RPRD1B: variants seen among roughly 807,000 people sequenced by gnomAD.
RPRD1B encodes regulation of nuclear pre-mRNA domain containing 1B.
Under a neutral mutation model 41.5 loss-of-function variants are expected in RPRD1B, and 11 were observed. The ratio of observed to expected loss-of-function variants is 0.27; its 90% CI spans 0.17 to 0.44. The LOEUF is 0.44. Ranked by LOEUF, RPRD1B falls within the 20% of genes least tolerant of loss-of-function variation. The pLI is 1.00. For missense variants in RPRD1B, 248 were observed against 389.9 expected, an observed-to-expected ratio of 0.64 and a Z score of 3.06; for synonymous variants, 158 against 155.6, an observed-to-expected ratio of 1.02 and a Z score of -0.12.
chr20:38,088,429 C>T (rs2074582129), intron 6 of RPRD1B, among the ~76,000 whole-genome samples: 1 of 152,218 alleles, frequency 6.6e-6, no homozygotes, highest in African/African-American at 2.4e-5. Context: ...AGGTTAGAGG[C>T]AGAACCAGGA....
intron 2 of RPRD1B, among the ~76,000 whole-genome samples, chr20:38,042,796 A>G (rs576775622): frequency 6.6e-6 from 1 of 152,220 alleles, no homozygotes; most frequent in South Asian, 2.1e-4. Flanking sequence ...TTGACCCATT[A>G]CTGTTGACTA....
Position 38,048,475 on chromosome 20 carries a change from C to G in RPRD1B, c.409C>G (p.Pro137Ala), listed in dbSNP as rs1387832341. 8 of 1,603,234 alleles carry G rather than the reference C, an allele frequency of 5.0e-6. No homozygotes were observed. The highest frequency in any genetic ancestry group is 1.7e-5 in the Admixed American group (1 of 59,720). ...LSMEDSKSPP[P>A]KATEEKKSLK... ...TATGGAGGACTCCAAGAGCCCTCCC[C>G]CCAAAGGTAGAAACATCACCACATG... The change falls in exon 3 of 7, where the codon CCC (proline) becomes GCC (alanine). Residue 137 changes from proline (P) to alanine (A), a missense_variant. Pro to Ala is a conservative substitution (Grantham distance 27). This residue lies in a region of RPRD1B where 94 missense variants were observed against 82.3 expected (regional missense o/e 1.14). Transcript: ENST00000373433.
rs140472135 is a variant in RPRD1B, at chr20:38,087,589, T to C, written c.832-2137T>C. Among the ~76,000 whole-genome samples, 704 of 152,328 alleles carry C rather than the reference T, an allele frequency of 4.6e-3. 4 individuals are homozygous for C. Among genetic ancestry groups the C allele is most frequent in the African/African-American group, 0.016 (647 of 41,574 alleles). On this transcript the variant is annotated intron_variant, in intron 6 of 6. Transcript: ENST00000373433. ...AAGTCCGTGTTCTGTAGTTGTTTTG[T>C]TATTTTACCCTTTTTATACCTTCCA...
chr20:38,091,958 G>A lies in RPRD1B; in HGVS notation c.*2083G>A, dbSNP rs1380829314. 1.0e-6 allele frequency: 1 copy of A among 985,762 alleles called. No homozygotes were observed. The highest frequency in any genetic ancestry group is 1.2e-6 in the Non-Finnish European group (1 of 829,934). 61.1% of individuals were successfully genotyped at this position (985,762 alleles called of 1,614,324 possible). ...TTACTAGTGGACTTCCTGTGAGGAA[G>A]TTAGTTTTTTGTTTTGATGAAATGC... On this transcript the variant is annotated 3_prime_UTR_variant, in exon 7 of 7. Coordinates refer to ENST00000373433, the MANE Select transcript of RPRD1B (RefSeq NM_021215.4).
At chr20:38,052,267 A>G (rs968542615) in intron 3 of RPRD1B, among the ~76,000 whole-genome samples, 1 of 152,196 alleles carries the variant, frequency 6.6e-6, no homozygotes, top group Non-Finnish European at 1.5e-5. Context: ...CTGAGTTTCT[A>G]TATATGAACT....
At chr20:38,048,789 C>G (rs1240815357) in intron 3 of RPRD1B, among the ~76,000 whole-genome samples, 1 of 152,186 alleles carries the variant, frequency 6.6e-6, no homozygotes, top group Non-Finnish European at 1.5e-5. Flanking sequence ...TTGTGGTGAA[C>G]TAGGAAGTAG....
rs1412844875 is a variant in RPRD1B, at chr20:38,070,606, A to G, written c.831+4350A>G. 5.1e-6 allele frequency: 5 copies of G among 985,380 alleles called. No homozygotes were observed. In the East Asian group the frequency reaches 4.5e-4, roughly 89 times the overall value. 61.0% of individuals were successfully genotyped at this position (985,380 alleles called of 1,614,324 possible). On this transcript the variant is annotated intron_variant, in intron 6 of 6. Coordinates refer to ENST00000373433, the MANE Select transcript of RPRD1B (RefSeq NM_021215.4). ...CCTGTCTTGTCAGCGTGAATAAAGC[A>G]TGATACAGACATGTTCTGTTAGCAT...
At chr20:38,056,919 G>A (rs973991034) in intron 3 of RPRD1B, among the ~76,000 whole-genome samples, 1 of 152,186 alleles carries the variant, frequency 6.6e-6, no homozygotes, top group Middle Eastern at 3.4e-3. Context: ...AAAAACATAC[G>A]GTGCAGATAG....
At chr20:38,061,079 GGTCTCATGT>G (rs1450772833) in intron 5 of RPRD1B, among the ~76,000 whole-genome samples, 9 of 152,072 alleles carry the variant, frequency 5.9e-5, no homozygotes, top group East Asian at 5.8e-4. Flanking sequence ...CTGACCTAAA[GGTCTCATGT>G]AGCTTCCTTT....
intron 2 of RPRD1B, among the ~76,000 whole-genome samples, chr20:38,044,801 A>G (rs2074104955): frequency 6.6e-6 from 1 of 152,192 alleles, no homozygotes; most frequent in Non-Finnish European, 1.5e-5. Flanking sequence ...TAAGGGTAGC[A>G]GTCTGGCCTT....
chr20:38,038,485 G>GTTTTTTT (rs2074027015), intron 1 of RPRD1B, among the ~76,000 whole-genome samples: 2 of 83,118 alleles, frequency 2.4e-5, no homozygotes, highest in African/African-American at 1.1e-4. Flanking sequence ...GATTTTTTTT[G>GTTTTTTT]TTTTGTTTTT....
intron 1 of RPRD1B, among the ~76,000 whole-genome samples, chr20:38,035,140 A>G (rs187358401): frequency 3.3e-5 from 5 of 152,308 alleles, no homozygotes; most frequent in Admixed American, 6.5e-5. Flanking sequence ...GGTGAGGCAC[A>G]GTGTAGGCAT....
At chr20:38,043,858 T>C (rs1279302961) in intron 2 of RPRD1B, among the ~76,000 whole-genome samples, 1 of 152,180 alleles carries the variant, frequency 6.6e-6, no homozygotes, top group Non-Finnish European at 1.5e-5. Context: ...ACGAGTTTTG[T>C]TTTGGCCAGG....
intron 3 of RPRD1B, 178 bp downstream of exon 3, chr20:38,048,659 C>G (rs2074146277): frequency 1.1e-6 from 1 of 906,350 alleles, no homozygotes; most frequent in South Asian, 5.1e-5. Context: ...AAGCCTGGTT[C>G]TAGTATTCAT....
Position 38,057,753 on chromosome 20 carries a change from G to A in RPRD1B, c.528+109G>A. 10 of 757,986 alleles carry A rather than the reference G, an allele frequency of 1.3e-5. No individual in the cohort carries two copies. In the South Asian group the frequency reaches 1.7e-4, roughly 13 times the overall value. 47.0% of individuals were successfully genotyped at this position (757,986 alleles called of 1,614,324 possible). On this transcript the variant is annotated intron_variant, in intron 4 of 6. Coordinates refer to ENST00000373433, the MANE Select transcript of RPRD1B (RefSeq NM_021215.4). Reference sequence around the variant, plus strand: ...GACCACTGGTATGGAATCATCAGAGGGCACCTCTCAGGGGCCCCGTGCATC... The same window carrying A: ...GACCACTGGTATGGAATCATCAGAGAGCACCTCTCAGGGGCCCCGTGCATC...
chr20:38,070,448 T>TA, intron 6 of RPRD1B: 1 of 985,418 alleles, frequency 1.0e-6, no homozygotes. Context: ...AGGCCAAAGA[T>TA]ACCAGAAAAG....
At chr20:38,070,738 A>ATTTTTTTTTTTTTTTTTTTTTTT (rs201175296) in intron 6 of RPRD1B, 1 of 684,154 alleles carries the variant, frequency 1.5e-6, no homozygotes, top group African/African-American at 2.4e-5. Flanking sequence ...CTTAACTGTG[A>ATTTTTTTTTTTTTTTTTTTTTTT]TTTTTTTTTT....
At position 38,033,790 on chromosome 20, in the gene RPRD1B, C is replaced by A. The variant is rs967748435; in HGVS notation, c.-158C>A. 9.7e-5 allele frequency: 66 copies of A among 682,796 alleles called. No homozygotes were observed. Among genetic ancestry groups the A allele is most frequent in the Non-Finnish European group, 1.4e-4 (59 of 423,110 alleles). 42.3% of individuals were successfully genotyped at this position (682,796 alleles called of 1,614,324 possible). On this transcript the variant is annotated 5_prime_UTR_variant, in exon 1 of 7. Transcript: ENST00000373433. ...GCGGCGGCGCGGGCGGCTGTTACTG[C>A]GGAGACCCATCCCCTCCCCCTTCTC...
chr20:38,083,420 A>G (rs147928739), intron 6 of RPRD1B, among the ~76,000 whole-genome samples: 67 of 152,312 alleles, frequency 4.4e-4, no homozygotes, highest in Non-Finnish European at 8.5e-4. Context: ...GTCCAGTCCT[A>G]AAGTGTATTT....
Sources: gnomAD v4.1 joint callset for allele counts (sites outside exome capture counted in the v4.1 genomes callset) on GRCh38, gnomAD v4.1.1 for gene constraint, gnomAD v4.1.1 regional missense constraint, MANE v1.5 for transcripts, NCBI Gene and HGNC (gene_info 2026-07-23, HGNC 2026-07-21) for gene names.